The following TLCD4 variants were observed in gnomAD, a reference collection of about 807,000 sequenced individuals.
TLCD4 encodes the protein TLC domain containing 4.
A neutral mutation model predicts 24.2 loss-of-function variants in TLCD4; 7 were observed. The observed-to-expected ratio is 0.29, with a 90% CI of 0.16 to 0.54. The LOEUF (loss-of-function observed/expected upper bound fraction) is 0.54. Among genes scored for constraint, TLCD4 ranks in the 20% least tolerant of loss-of-function variants. The pLI is 0.95. For synonymous variants in TLCD4, 103 were observed against 106.4 expected (o/e 0.97, Z 0.20); for missense variants, 259 against 313.9 (o/e 0.82, Z 1.32).
rs1679135650 is a variant in TLCD4 at position 95,194,579 on chromosome 1, T to A, written c.*2711T>A. On this transcript the variant is annotated 3_prime_UTR_variant, in exon 7 of 7. Coordinates refer to ENST00000370203, the MANE Select transcript of TLCD4 (RefSeq NM_152487.3). ...CTCTATTAAAATATTTATAGAAAAA[T>A]AAAAGCAAATTGATATAAATTTTTG... 1 of 152,060 alleles carries A rather than the reference T, an allele frequency of 6.6e-6. No homozygotes were observed. The allele number at this position is 152,060 out of a possible 1,614,324, so 9.4% of individuals were successfully genotyped here.
At chr1:95,100,566 C>T in the TLCD4 span, among the ~76,000 whole-genome samples, 2 of 152,096 alleles carry the variant, frequency 1.3e-5, no homozygotes, top group African/African-American at 4.8e-5. Flanking sequence ...CAGAGTGAGA[C>T]TCTGTCTCAA....
intron 5 of TLCD4, among the ~76,000 whole-genome samples, chr1:95,166,771 C>T (rs1242756870): frequency 6.6e-6 from 1 of 152,008 alleles, no homozygotes; most frequent in African/African-American, 2.4e-5. Context: ...ACTCTGTCAC[C>T]CACGCTGGAG....
chr1:95,107,809 C>T, the TLCD4 span, among the ~76,000 whole-genome samples: 3 of 152,092 alleles, frequency 2.0e-5, no homozygotes, highest in East Asian at 5.8e-4. Flanking sequence ...ATTATCCAAG[C>T]AACGTCTGTT....
the TLCD4 span, among the ~76,000 whole-genome samples, chr1:95,092,558 T>C: frequency 6.6e-6 from 1 of 152,208 alleles, no homozygotes; most frequent in Non-Finnish European, 1.5e-5. Context: ...ATCTTGCTAC[T>C]GCTCACTCTT....
At chr1:95,148,896 A>G (rs1023541739) in intron 3 of TLCD4, 105 bp downstream of exon 3, 135 of 1,363,372 alleles carry the variant, frequency 9.9e-5, no homozygotes, top group Non-Finnish European at 1.2e-4. Context: ...TTGATCGTAT[A>G]TGCCTTATTA....
chr1:95,147,403 A>C (rs1677383194), intron 2 of TLCD4, among the ~76,000 whole-genome samples: 1 of 152,310 alleles, frequency 6.6e-6, no homozygotes, highest in East Asian at 1.9e-4. Flanking sequence ...CCTGTGCTCA[A>C]GGTGTGCTTG....
Position 95,191,977 on chromosome 1 carries a change from A to T in TLCD4, c.*109A>T. 1 of 1,460,450 alleles carries T rather than the reference A, an allele frequency of 6.8e-7. No individual in the cohort carries two copies. The highest frequency in any genetic ancestry group is 1.5e-5 in the South Asian group (1 of 68,228). 90.5% of individuals were successfully genotyped at this position (1,460,450 alleles called of 1,614,324 possible). On this transcript the variant is annotated 3_prime_UTR_variant, in exon 7 of 7. Coordinates refer to ENST00000370203, the MANE Select transcript of TLCD4 (RefSeq NM_152487.3). ...TTCTTAATTATAATTGTTATTCAGGATTTCAGTGTCATTTTTTTTAAACCT... is the reference window on the plus strand; with the variant it reads ...TTCTTAATTATAATTGTTATTCAGGTTTTCAGTGTCATTTTTTTTAAACCT...
chr1:95,182,281 T>G (rs942585955), intron 6 of TLCD4, among the ~76,000 whole-genome samples: 3 of 152,058 alleles, frequency 2.0e-5, no homozygotes, highest in Non-Finnish European at 2.9e-5. Flanking sequence ...GTTTTTTTTT[T>G]CAAGTAAAAA....
the TLCD4 span, among the ~76,000 whole-genome samples, chr1:95,096,544 A>G: frequency 1.4e-4 from 21 of 152,224 alleles, no homozygotes; most frequent in Non-Finnish European, 2.6e-4. Flanking sequence ...GTCTCTGAGG[A>G]AATCATGACC....
intron 1 of TLCD4, among the ~76,000 whole-genome samples, chr1:95,127,840 C>T (rs1676781503): frequency 6.6e-6 from 1 of 152,184 alleles, no homozygotes; most frequent in African/African-American, 2.4e-5. Context: ...TTATTTGTGC[C>T]AGCTACTATA....
At chr1:95,129,798 T>C (rs1557678803) in intron 1 of TLCD4, among the ~76,000 whole-genome samples, 1 of 152,234 alleles carries the variant, frequency 6.6e-6, no homozygotes, top group Non-Finnish European at 1.5e-5. Context: ...CTTTCCTAGC[T>C]TGGTCTTCTT....
chr1:95,166,927 G>A (rs959496397), intron 5 of TLCD4, among the ~76,000 whole-genome samples: 1 of 151,946 alleles, frequency 6.6e-6, no homozygotes, highest in Non-Finnish European at 1.5e-5. Flanking sequence ...TAGACGTGGG[G>A]TCTTACTATG....
chr1:95,101,410 AGT>A, the TLCD4 span, among the ~76,000 whole-genome samples: 11,390 of 142,532 alleles, frequency 0.08, 487 homozygotes, highest in African/African-American at 0.1. Flanking sequence ...GACTAATTAA[AGT>A]GTGTGTGTGT....
chr1:95,141,199 A>T (rs186573341), intron 1 of TLCD4, among the ~76,000 whole-genome samples: 2 of 152,336 alleles, frequency 1.3e-5, no homozygotes, highest in East Asian at 3.9e-4. Context: ...ATCCATTAGA[A>T]CAAAGACTTA....
chr1:95,173,372 C>T (rs1356161813), intron 5 of TLCD4, among the ~76,000 whole-genome samples: 2 of 150,958 alleles, frequency 1.3e-5, no homozygotes, highest in African/African-American at 4.9e-5. Flanking sequence ...TGCAGTGGTG[C>T]GACCTCGGCT....
intron 5 of TLCD4, chr1:95,164,494 T>C (rs1212847026): frequency 6.6e-6 from 1 of 152,292 alleles, no homozygotes; most frequent in Non-Finnish European, 1.5e-5. Context: ...CTCTGTGGGC[T>C]GCACCCAGTG....
chr1:95,152,428 A>G (rs1373325168), intron 5 of TLCD4, among the ~76,000 whole-genome samples: 1 of 152,070 alleles, frequency 6.6e-6, no homozygotes, highest in Non-Finnish European at 1.5e-5. Context: ...AAGCACTTTG[A>G]CTTAATACTT....
At chr1:95,169,417 T>C (rs767385428) in intron 5 of TLCD4, among the ~76,000 whole-genome samples, 20 of 152,184 alleles carry the variant, frequency 1.3e-4, no homozygotes, top group Non-Finnish European at 2.6e-4. Context: ...CATGGAAAAT[T>C]TGCATTTTGG....
At position 95,159,126 on chromosome 1, in the gene TLCD4, G is replaced by A. The variant is rs967544330; in HGVS notation, c.399+7707G>A. The stretch of plus-strand genomic sequence containing the variant: ...TGAACTAGTTTACACTCCCACCAAT[G>A]GTGTAAAAGTGTACCTATTTCTCCA... On this transcript the variant is annotated intron_variant, in intron 5 of 6. Transcript: ENST00000370203. 1.2e-3 allele frequency among the ~76,000 whole-genome samples: 189 copies of A among 152,144 alleles called. 1 individual carries two copies. The Middle Eastern group carries it at 0.034, about 28-fold the overall frequency.
Sources: allele counts gnomAD v4.1 joint callset (sites outside exome capture counted in the v4.1 genomes callset), GRCh38; gene constraint gnomAD v4.1.1; transcripts MANE v1.5; gene names NCBI Gene and HGNC (gene_info 2026-07-23, HGNC 2026-07-21).